The following EEF1AKMT3 variants were observed in gnomAD, a reference collection of about 807,000 sequenced individuals.
The protein encoded by EEF1AKMT3 is EEF1A lysine methyltransferase 3, also known as eEF1A-KMT3.
In EEF1AKMT3, 17 loss-of-function variants were observed where a neutral mutation model predicts 17.8. The observed-to-expected ratio is 0.96, with a 90% CI of 0.65 to 1.43. The LOEUF is 1.43. EEF1AKMT3 is among the 40% of genes most tolerant of loss of function. The pLI, the probability that EEF1AKMT3 is intolerant of heterozygous loss-of-function variation, is 0.00. For synonymous variants in EEF1AKMT3, 116 were observed against 126.5 expected (o/e 0.92, Z 0.56); for missense variants, 244 against 285.8 (o/e 0.85, Z 1.06).
chr12:57,774,489 A>T, intron 2 of EEF1AKMT3: 1 of 571,768 alleles, frequency 1.7e-6, no homozygotes. Context: ...TCAAAAATAA[A>T]AAAAGGGAAA....
intron 2 of EEF1AKMT3, among the ~76,000 whole-genome samples, chr12:57,778,293 C>A (rs374782386): frequency 4.5e-5 from 2 of 43,994 alleles, no homozygotes; most frequent in South Asian, 1.7e-3. Context: ...CCATCCTGAG[C>A]TTTTTTTTTT....
At chr12:57,776,958 T>C (rs991174271) in intron 2 of EEF1AKMT3, among the ~76,000 whole-genome samples, 5 of 152,168 alleles carry the variant, frequency 3.3e-5, no homozygotes, top group Non-Finnish European at 7.3e-5. Context: ...GGCTGTTTCT[T>C]ATCTCTAATG....
At position 57,772,951 on chromosome 12, in the gene EEF1AKMT3, G is replaced by C; in HGVS notation, c.177+50G>C. On this transcript the variant is annotated intron_variant, in intron 1 of 2. Transcript: ENST00000300209. The surrounding 1 kb of genome is among the most constrained non-coding windows in gnomAD (Gnocchi z 4.1). ...AGGGTCCGTGGGAGGTCCAGATCCC[G>C]GACTCCGCCTCTCCCATATGGAGCC... The C allele has an allele frequency of 6.2e-7, 1 of 1,612,906 alleles. No individual in the cohort carries two copies. Among genetic ancestry groups the C allele is most frequent in the Non-Finnish European group, 8.5e-7 (1 of 1,179,060 alleles).
At chr12:57,774,943 TA>T (rs1955470564) in intron 2 of EEF1AKMT3, among the ~76,000 whole-genome samples, 2 of 151,508 alleles carry the variant, frequency 1.3e-5, no homozygotes, top group Non-Finnish European at 2.9e-5. Flanking sequence ...CCATCTCTAC[TA>T]AAAATACAAC....
intron 2 of EEF1AKMT3, among the ~76,000 whole-genome samples, chr12:57,779,379 G>A (rs909813240): frequency 6.6e-6 from 1 of 152,024 alleles, no homozygotes; most frequent in Non-Finnish European, 1.5e-5. Flanking sequence ...CTCTGTGAGG[G>A]GGGATTCTTA....
Position 57,781,781 on chromosome 12 carries a change from G to C in EEF1AKMT3, c.*1135G>C, listed in dbSNP as rs531732097. The stretch of plus-strand genomic sequence containing the variant: ...TTCCCACATTGGTACTTCTGGTTGG[G>C]GCTCTCTTTACTTACTGCTTAGGCA... On this transcript the variant is annotated 3_prime_UTR_variant, in exon 3 of 3. Coordinates refer to ENST00000300209, the MANE Select transcript of EEF1AKMT3 (RefSeq NM_015433.3). 2.0e-5 allele frequency: 3 copies of C among 152,156 alleles called. No homozygotes were observed. The East Asian group carries it at 5.8e-4, about 29-fold the overall frequency. The allele number at this position is 152,156 out of a possible 1,614,324, so 9.4% of individuals were successfully genotyped here. A position where few individuals can be genotyped will look rare whatever the true frequency, so the allele number is the denominator to read the frequency against.
chr12:57,777,019 A>C (rs1463691882), intron 2 of EEF1AKMT3, among the ~76,000 whole-genome samples: 3 of 152,084 alleles, frequency 2.0e-5, no homozygotes, highest in Non-Finnish European at 4.4e-5. Context: ...CACAACATCT[A>C]CTTATGTGAC....
At chr12:57,775,105 CAAAAAAAAAA>C (rs1019116260) in intron 2 of EEF1AKMT3, among the ~76,000 whole-genome samples, 3 of 33,612 alleles carry the variant, frequency 8.9e-5, no homozygotes, top group Non-Finnish European at 1.4e-4. Flanking sequence ...AACGCCATCT[CAAAAAAAAAA>C]AAAAAAAAAA....
Position 57,780,613 on chromosome 12 carries a change from T to A in EEF1AKMT3, c.648T>A (p.Tyr216Ter). ...QRDEDENVNI[Y>*]RARHREPRPA ...ATGAGGATGAAAATGTCAACATCTA[T>A]AGGGCCAGGCACAGGGAACCAAGAC... Residue 216 changes from tyrosine (Y) to a stop codon, truncating the protein, a stop_gained, in exon 3 of 3, where the codon TAT becomes TAA. Transcript: ENST00000300209. LOFTEE classifies it high-confidence loss of function. 1 of 1,611,194 alleles carries A rather than the reference T, an allele frequency of 6.2e-7. No homozygotes were observed. Among genetic ancestry groups the A allele is most frequent in the Non-Finnish European group, 8.5e-7 (1 of 1,180,010 alleles).
At position 57,772,648 on chromosome 12, in the gene EEF1AKMT3, C is replaced by A; in HGVS notation, c.-77C>A. The A allele has an allele frequency of 6.9e-7, 1 of 1,455,400 alleles. No individual in the cohort carries two copies. Among genetic ancestry groups the A allele is most frequent in the Non-Finnish European group, 9.2e-7 (1 of 1,091,550 alleles). The allele number at this position is 1,455,400 out of a possible 1,614,324, so 90.2% of individuals were successfully genotyped here. A position where few individuals can be genotyped will look rare whatever the true frequency, so the allele number is the denominator to read the frequency against. ...ACAGGGACACCACGACGGCTCGCGG[C>A]CCCCAGCCTCTACCCCGCTCCGGAT... is the stretch of plus-strand genomic sequence containing the variant. On this transcript the variant is annotated 5_prime_UTR_variant, in exon 1 of 3. Transcript: ENST00000300209. The surrounding 1 kb of genome is among the most constrained non-coding windows in gnomAD (Gnocchi z 4.1).
chr12:57,778,658 A>G (rs897005457), intron 2 of EEF1AKMT3, among the ~76,000 whole-genome samples: 2 of 151,964 alleles, frequency 1.3e-5, no homozygotes, highest in Admixed American at 1.3e-4. Context: ...CTATTGGCAA[A>G]TCCTGTTGAC....
In EEF1AKMT3 at chr12:57,780,442, C is replaced by T. The variant is rs1159172232; in HGVS notation, c.477C>T (p.Phe159=). Residue 159 remains phenylalanine, a synonymous_variant, in exon 3 of 3, where the codon TTC becomes TTT. Coordinates refer to ENST00000300209, the MANE Select transcript of EEF1AKMT3 (RefSeq NM_015433.3). ...GADIVYLEPT[F]PLLLGTLQHL... is the part of the protein sequence containing the mutation. ...ATATCGTGTACCTGGAACCCACCTT[C>T]CCTCTGCTGCTGGGGACCCTCCAAC... 1.2e-6 allele frequency: 2 copies of T among 1,614,234 alleles called. No individual in the cohort carries two copies. Among genetic ancestry groups the T allele is most frequent in the Non-Finnish European group, 1.7e-6 (2 of 1,180,048 alleles).
At chr12:57,774,378 G>T (rs1007864838) in intron 2 of EEF1AKMT3, among the ~76,000 whole-genome samples, 6 of 152,210 alleles carry the variant, frequency 3.9e-5, no homozygotes, top group South Asian at 2.1e-4. Flanking sequence ...TACTTGGGAG[G>T]CTGAGACAGG....
chr12:57,777,663 C>A (rs1481362813), intron 2 of EEF1AKMT3, among the ~76,000 whole-genome samples: 1 of 152,180 alleles, frequency 6.6e-6, no homozygotes, highest in East Asian at 1.9e-4. Flanking sequence ...AGGGGCAGTC[C>A]TTTGATCCCC....
intron 2 of EEF1AKMT3, chr12:57,774,493 AG>A (rs1955467247): frequency 1.7e-6 from 1 of 577,150 alleles, no homozygotes; most frequent in Admixed American, 2.9e-5. Flanking sequence ...AAATAAAAAA[AG>A]GGAAATCTTC....
rs1393522341 is a variant in EEF1AKMT3 at position 57,772,920 on chromosome 12, C to G, written c.177+19C>G. The G allele has an allele frequency of 6.8e-6, 11 of 1,613,200 alleles. No individual in the cohort carries two copies. In the Admixed American group the frequency reaches 1.2e-4, roughly 17 times the overall value. On this transcript the variant is annotated intron_variant, in intron 1 of 2. Coordinates refer to ENST00000300209, the MANE Select transcript of EEF1AKMT3 (RefSeq NM_015433.3). The surrounding 1 kb of genome is among the most constrained non-coding windows in gnomAD (Gnocchi z 4.1). ...GGACGCGGTGAGGAATGGGCTGCGC[C>G]GGGTGAGGGTCCGTGGGAGGTCCAG...
chr12:57,777,898 A>C (rs749713300), intron 2 of EEF1AKMT3, among the ~76,000 whole-genome samples: 2 of 152,084 alleles, frequency 1.3e-5, no homozygotes, highest in Non-Finnish European at 2.9e-5. Context: ...AGGCGCCTGT[A>C]ATCCCAGCTA....
Position 57,778,293 on chromosome 12 carries a change from C to CT in EEF1AKMT3, c.290-1947dup, listed in dbSNP as rs56919999. ...CCAAACACCCAGAAACCATCCTGAGCTTTTTTTTTTTTTTTGAGACAGGTT... is the reference window on the plus strand; with the variant it reads ...CCAAACACCCAGAAACCATCCTGAGCTTTTTTTTTTTTTTTTGAGACAGGTT... On this transcript the variant is annotated intron_variant, in intron 2 of 2. Coordinates refer to ENST00000300209, the MANE Select transcript of EEF1AKMT3 (RefSeq NM_015433.3). Among the ~76,000 whole-genome samples the CT allele has an allele frequency of 8.5e-3, 374 of 43,996 alleles. 73 individuals carry two copies. Among genetic ancestry groups the CT allele is most frequent in the Non-Finnish European group, 0.011 (294 of 25,678 alleles). The allele number at this position is 43,996 out of a possible 152,430, so 28.9% of individuals were successfully genotyped here. A position where few individuals can be genotyped will look rare whatever the true frequency, so the allele number is the denominator to read the frequency against.
chr12:57,775,443 A>G (rs1402286960), intron 2 of EEF1AKMT3, among the ~76,000 whole-genome samples: 2 of 149,026 alleles, frequency 1.3e-5, no homozygotes, highest in Non-Finnish European at 3.0e-5. Context: ...ATGCAGTGGC[A>G]TGATCTCGGC....
Sources: allele counts gnomAD v4.1 joint callset (sites outside exome capture counted in the v4.1 genomes callset), GRCh38; gene constraint gnomAD v4.1.1; non-coding constraint Gnocchi (gnomAD v3.1); transcripts MANE v1.5; gene names NCBI Gene and HGNC (gene_info 2026-07-23, HGNC 2026-07-21).